MAF: variants seen among roughly 807,000 people sequenced by gnomAD.
The protein encoded by MAF is MAF bZIP transcription factor.
A neutral mutation model predicts 22.0 loss-of-function variants in MAF; 10 were observed. The ratio of observed to expected loss-of-function variants is 0.45; its 90% CI spans 0.28 to 0.77. MAF has a LOEUF of 0.77. Ranked by LOEUF, MAF falls within the 30% of genes least tolerant of loss-of-function variation. The pLI, the probability that MAF is intolerant of heterozygous loss-of-function variation, is 0.12. For synonymous variants in MAF, 337 were observed against 255.8 expected, an observed-to-expected ratio of 1.32 and a Z score of -3.03; for missense variants, 544 against 548.4, an observed-to-expected ratio of 0.99 and a Z score of 0.08.
the MAF span, among the ~76,000 whole-genome samples, chr16:79,569,244 C>A: frequency 3.0e-4 from 46 of 152,294 alleles, no homozygotes; most frequent in African/African-American, 1.1e-3. Context: ...TTAGCATTAT[C>A]CCTCGTCTCA....
the MAF span, among the ~76,000 whole-genome samples, chr16:79,335,049 G>A: frequency 6.6e-6 from 1 of 151,948 alleles, no homozygotes; most frequent in African/African-American, 2.4e-5. Flanking sequence ...GCTGGGCATG[G>A]TGGCGTGTGC....
chr16:79,260,231 G>A, the MAF span, among the ~76,000 whole-genome samples: 1 of 152,112 alleles, frequency 6.6e-6, no homozygotes, highest in African/African-American at 2.4e-5. Flanking sequence ...GCTTACTGAA[G>A]CCTCAAACTC....
At chr16:79,553,800 C>A in the MAF span, among the ~76,000 whole-genome samples, 1 of 152,112 alleles carries the variant, frequency 6.6e-6, no homozygotes, top group Admixed American at 6.5e-5. Flanking sequence ...TTAAAAATAA[C>A]CACCAGGGCT....
the MAF span, among the ~76,000 whole-genome samples, chr16:79,580,058 T>C: frequency 6.6e-6 from 1 of 151,756 alleles, no homozygotes; most frequent in African/African-American, 2.4e-5. Context: ...CCTTATTATT[T>C]CCCCCCTCTC....
chr16:79,430,816 G>C, the MAF span, among the ~76,000 whole-genome samples: 1 of 152,206 alleles, frequency 6.6e-6, no homozygotes, highest in African/African-American at 2.4e-5. Context: ...GCTTTTCTGT[G>C]TTTTGCCCTC....
At chr16:79,278,332 T>C in the MAF span, among the ~76,000 whole-genome samples, 1 of 152,350 alleles carries the variant, frequency 6.6e-6, no homozygotes, top group East Asian at 1.9e-4. Flanking sequence ...ATAAATACCA[T>C]GCTTAAAAAC....
At chr16:79,360,812 A>G in the MAF span, among the ~76,000 whole-genome samples, 69 of 152,296 alleles carry the variant, frequency 4.5e-4, 2 homozygotes, top group East Asian at 9.1e-3. Context: ...ATAGGATCAT[A>G]GCCCACCCAG....
the MAF span, among the ~76,000 whole-genome samples, chr16:79,270,430 G>A: frequency 6.6e-6 from 1 of 152,102 alleles, no homozygotes; most frequent in Non-Finnish European, 1.5e-5. Context: ...TGAAAAGCTA[G>A]GAATCCTGCC....
the MAF span, among the ~76,000 whole-genome samples, chr16:79,367,079 T>C: frequency 6.6e-6 from 1 of 152,194 alleles, no homozygotes; most frequent in Non-Finnish European, 1.5e-5. Context: ...AATCTATCAT[T>C]TGTTTTTCAC....
At chr16:79,500,076 C>A in the MAF span, among the ~76,000 whole-genome samples, 1 of 152,150 alleles carries the variant, frequency 6.6e-6, no homozygotes, top group Non-Finnish European at 1.5e-5. Flanking sequence ...AGGCAAGCAC[C>A]GGACCTTTGC....
the MAF span, among the ~76,000 whole-genome samples, chr16:79,209,457 A>T: frequency 6.6e-6 from 1 of 152,208 alleles, no homozygotes; most frequent in Non-Finnish European, 1.5e-5. Context: ...CAGAACAGTG[A>T]AAGGCCAGTC....
intron 1 of MAF, 156 bp downstream of exon 1, chr16:79,598,629 G>T: frequency 1.3e-6 from 2 of 1,498,770 alleles, no homozygotes; most frequent in South Asian, 2.5e-5. Flanking sequence ...GTGCGGGTTT[G>T]TGTGTGTGTA....
chr16:79,514,883 T>C, the MAF span, among the ~76,000 whole-genome samples: 58 of 152,172 alleles, frequency 3.8e-4, no homozygotes, highest in African/African-American at 1.4e-3. Context: ...ATGGTTGCAA[T>C]AGGTATTTTT....
chr16:79,302,146 G>A, the MAF span, among the ~76,000 whole-genome samples: 9 of 152,220 alleles, frequency 5.9e-5, no homozygotes, highest in African/African-American at 2.2e-4. Context: ...GCGAGGGCTG[G>A]GATCCAGCCT....
the MAF span, among the ~76,000 whole-genome samples, chr16:79,460,127 C>T: frequency 3.3e-5 from 5 of 151,960 alleles, no homozygotes; most frequent in Admixed American, 6.6e-5. Flanking sequence ...CTTTCATTTT[C>T]GAAAGTGTTG....
the MAF span, among the ~76,000 whole-genome samples, chr16:79,536,000 A>G: frequency 6.6e-6 from 1 of 152,222 alleles, no homozygotes; most frequent in Non-Finnish European, 1.5e-5. Flanking sequence ...CAGTATTTAT[A>G]GAATCAGGAT....
At chr16:79,536,409 G>A in the MAF span, among the ~76,000 whole-genome samples, 10 of 152,278 alleles carry the variant, frequency 6.6e-5, no homozygotes, top group East Asian at 9.7e-4. Flanking sequence ...TGGGGAGGCC[G>A]AGGTGGGCAG....
the MAF span, among the ~76,000 whole-genome samples, chr16:79,564,086 G>A: frequency 6.6e-5 from 10 of 152,362 alleles, no homozygotes; most frequent in African/African-American, 2.4e-4. Flanking sequence ...GCTTTCAACA[G>A]ATTCCCTCCC....
the MAF span, among the ~76,000 whole-genome samples, chr16:79,369,086 G>A: frequency 6.6e-6 from 1 of 152,212 alleles, no homozygotes; most frequent in African/African-American, 2.4e-5. Context: ...AGAAATGTTT[G>A]TTGAATAAAT....
Sources: gnomAD v4.1 joint callset for allele counts (sites outside exome capture counted in the v4.1 genomes callset) on GRCh38, gnomAD v4.1.1 for gene constraint, MANE v1.5 for transcripts, NCBI Gene and HGNC (gene_info 2026-07-23, HGNC 2026-07-21) for gene names.